Variants in TDRD3 observed in about 807,000 individuals in gnomAD.
The protein encoded by TDRD3 is tudor domain-containing protein 3.
In TDRD3, 45 loss-of-function variants were observed where a neutral mutation model predicts 86.7. That is an observed-to-expected ratio of 0.52 (90% confidence interval 0.41 to 0.67). The LOEUF is 0.67. Among genes scored for constraint, TDRD3 ranks in the 30% least tolerant of loss-of-function variants. The probability of loss-of-function intolerance (pLI) is 0.00; values close to 1 mark genes in which losing one functional copy is unlikely to be tolerated. For missense variants in TDRD3, 814 were observed against 889.0 expected (o/e 0.92, Z 1.07); for synonymous variants, 298 against 301.7 (o/e 0.99, Z 0.13).
At chr13:60,479,110 T>C (rs536163001) in intron 5 of TDRD3, among the ~76,000 whole-genome samples, 11 of 152,206 alleles carry the variant, frequency 7.2e-5, no homozygotes, top group African/African-American at 2.6e-4. Context: ...CCCAGCCAAT[T>C]TGAGAACCTT....
chr13:60,461,604 A>T (rs1188368238), intron 4 of TDRD3, among the ~76,000 whole-genome samples: 1 of 152,140 alleles, frequency 6.6e-6, no homozygotes, highest in East Asian at 1.9e-4. Flanking sequence ...CTTGTATACC[A>T]TACTTTTCTC....
At position 60,509,662 on chromosome 13, in the gene TDRD3, T is replaced by G. The variant is rs527529111; in HGVS notation, c.859-101T>G. 14 of 1,373,652 alleles carry G rather than the reference T, an allele frequency of 1.0e-5. No individual in the cohort carries two copies. In the East Asian group the frequency reaches 3.0e-4, roughly 29 times the overall value. 85.1% of individuals were successfully genotyped at this position (1,373,652 alleles called of 1,614,324 possible). Reference sequence around the variant, plus strand: ...TATTAGAATGACATTTTTACATAAGTATGGGATGTAATTTTTAGTTAAAAG... The same window carrying G: ...TATTAGAATGACATTTTTACATAAGGATGGGATGTAATTTTTAGTTAAAAG... On this transcript the variant is annotated intron_variant, in intron 8 of 13. Transcript: ENST00000377881.
At chr13:60,420,363 CA>C (rs1954625262) in intron 1 of TDRD3, among the ~76,000 whole-genome samples, 1 of 148,738 alleles carries the variant, frequency 6.7e-6, no homozygotes, top group Non-Finnish European at 1.5e-5. Context: ...TAATTTTGGT[CA>C]AGATCAATTT....
intron 3 of TDRD3, among the ~76,000 whole-genome samples, chr13:60,450,604 A>AGATTAT (rs1294337741): frequency 6.6e-6 from 1 of 152,186 alleles, no homozygotes; most frequent in African/African-American, 2.4e-5. Context: ...AGGAAGTGCT[A>AGATTAT]AGTAAATTAT....
At chr13:60,561,344 C>T (rs1428288723) in intron 12 of TDRD3, among the ~76,000 whole-genome samples, 3 of 152,140 alleles carry the variant, frequency 2.0e-5, no homozygotes, top group Non-Finnish European at 4.4e-5. Flanking sequence ...GGCTCTTCCA[C>T]TAGCTCATTT....
At chr13:60,510,480 TA>T (rs1566257473) in intron 9 of TDRD3, 149 bp from the exon 10 acceptor site, 5 of 832,172 alleles carry the variant, frequency 6.0e-6, no homozygotes, top group East Asian at 3.5e-5. Context: ...CTTAAAAACC[TA>T]AAAAAATTAC....
intron 5 of TDRD3, among the ~76,000 whole-genome samples, chr13:60,474,768 A>T (rs1421176215): frequency 1.3e-5 from 2 of 152,148 alleles, no homozygotes; most frequent in Admixed American, 1.3e-4. Context: ...GTCTTTCTAC[A>T]CATTTACCAT....
chr13:60,525,330 A>G (rs1810916270), intron 10 of TDRD3, among the ~76,000 whole-genome samples: 1 of 150,504 alleles, frequency 6.6e-6, no homozygotes, highest in African/African-American at 2.4e-5. Flanking sequence ...CGCGCCACCA[A>G]GCCTGGCTAA....
At chr13:60,566,811 A>G (rs1057353238) in intron 12 of TDRD3, among the ~76,000 whole-genome samples, 1 of 152,170 alleles carries the variant, frequency 6.6e-6, no homozygotes, top group Admixed American at 6.5e-5. Context: ...TCTTTATGCT[A>G]TTTAATCTGC....
At chr13:60,490,934 A>G (rs929790830) in intron 7 of TDRD3, among the ~76,000 whole-genome samples, 4 of 151,292 alleles carry the variant, frequency 2.6e-5, no homozygotes, top group Non-Finnish European at 4.4e-5. Context: ...CCTGACCAAC[A>G]TGGAGAAACC....
At chr13:60,436,513 C>T (rs1313530829) in intron 1 of TDRD3, among the ~76,000 whole-genome samples, 2 of 152,112 alleles carry the variant, frequency 1.3e-5, no homozygotes, top group Admixed American at 1.3e-4. Context: ...TTCCCAGCAC[C>T]ATTTATTGAA....
chr13:60,535,384 A>C, intron 12 of TDRD3, 151 bp downstream of exon 12: 1 of 695,836 alleles, frequency 1.4e-6, no homozygotes, highest in Non-Finnish European at 2.1e-6. Flanking sequence ...TTTTAATTCA[A>C]TGCTTACACT....
chr13:60,456,870 ATTT>A (rs1184599538), intron 3 of TDRD3, among the ~76,000 whole-genome samples: 1 of 151,812 alleles, frequency 6.6e-6, no homozygotes, highest in Non-Finnish European at 1.5e-5. Context: ...TAATTTTTGT[ATTT>A]TTTGTAGAGA....
chr13:60,448,255 A>T (rs1050227509), intron 3 of TDRD3, among the ~76,000 whole-genome samples: 4 of 152,150 alleles, frequency 2.6e-5, no homozygotes, highest in Non-Finnish European at 5.9e-5. Flanking sequence ...AATCCTGGAC[A>T]TATTGAATTT....
intron 3 of TDRD3, among the ~76,000 whole-genome samples, chr13:60,457,072 T>C (rs1322586983): frequency 6.6e-6 from 1 of 152,204 alleles, no homozygotes; most frequent in African/African-American, 2.4e-5. Flanking sequence ...ATATTTTATC[T>C]AGGTCCATTA....
At chr13:60,542,819 A>G (rs1957847048) in intron 12 of TDRD3, among the ~76,000 whole-genome samples, 1 of 151,928 alleles carries the variant, frequency 6.6e-6, no homozygotes, top group Non-Finnish European at 1.5e-5. Flanking sequence ...TAATTTTTAA[A>G]TTTCTTTTTC....
At chr13:60,564,510 T>C (rs1468737608) in intron 12 of TDRD3, among the ~76,000 whole-genome samples, 1 of 152,126 alleles carries the variant, frequency 6.6e-6, no homozygotes, top group Non-Finnish European at 1.5e-5. Context: ...GCAGATCTTG[T>C]AAAGAATCTT....
At chr13:60,513,148 G>A (rs1957095506) in intron 10 of TDRD3, among the ~76,000 whole-genome samples, 1 of 152,222 alleles carries the variant, frequency 6.6e-6, no homozygotes, top group East Asian at 1.9e-4. Context: ...TGTGGAAGCT[G>A]CCAAGGCTTG....
At chr13:60,514,347 A>C (rs550491995) in intron 10 of TDRD3, among the ~76,000 whole-genome samples, 23 of 152,326 alleles carry the variant, frequency 1.5e-4, no homozygotes, top group African/African-American at 5.5e-4. Flanking sequence ...ACATGATAAA[A>C]GTTTGGAAAA....
Sources: allele counts gnomAD v4.1 joint callset (sites outside exome capture counted in the v4.1 genomes callset), GRCh38; gene constraint gnomAD v4.1.1; transcripts MANE v1.5; gene names NCBI Gene and HGNC (gene_info 2026-07-23, HGNC 2026-07-21).